PMM2: variants seen among roughly 807,000 people sequenced by gnomAD.
PMM2 encodes phosphomannomutase 2.
PMM2 carries 35 observed loss-of-function variants against 33.2 expected under a neutral mutation model. The observed-to-expected ratio is 1.06, with a 90% CI of 0.81 to 1.40. The LOEUF (loss-of-function observed/expected upper bound fraction) is 1.40. Among genes scored for constraint, PMM2 ranks in the 40% most tolerant of loss-of-function variants. PMM2 has a pLI of 0.00. For synonymous variants in PMM2, 153 were observed against 114.7 expected, an observed-to-expected ratio of 1.33 and a Z score of -2.13; for missense variants, 386 against 306.0, an observed-to-expected ratio of 1.26 and a Z score of -1.95.
At chr16:8,819,772 T>C (rs1433868090) in intron 7 of PMM2, among the ~76,000 whole-genome samples, 1 of 152,074 alleles carries the variant, frequency 6.6e-6, no homozygotes, top group Non-Finnish European at 1.5e-5. Context: ...CTTCCAGCAC[T>C]TCCTCAGTGT....
chr16:8,847,711 C>A lies in PMM2; in HGVS notation c.640-13C>A, dbSNP rs372181885. ...CGAGGGGGAGCCTTCATCTGTACTT[C>A]GTGTCTTTCCAGGGTGGCAATGACC... On this transcript the variant is annotated splice_polypyrimidine_tract_variant and intron_variant, in intron 7 of 7. Transcript: ENST00000268261. 6.9e-6 allele frequency: 11 copies of A among 1,595,958 alleles called. No individual in the cohort carries two copies. The African/African-American group carries it at 8.0e-5, about 12-fold the overall frequency.
intron 7 of PMM2, among the ~76,000 whole-genome samples, chr16:8,840,378 T>G (rs1349149627): frequency 6.6e-6 from 1 of 151,974 alleles, no homozygotes; most frequent in Non-Finnish European, 1.5e-5. Flanking sequence ...TGTGATGGCT[T>G]GAAGAAACAG....
intron 7 of PMM2, among the ~76,000 whole-genome samples, chr16:8,825,990 G>A (rs757452080): frequency 2.0e-4 from 31 of 152,064 alleles, no homozygotes; most frequent in Non-Finnish European, 4.0e-4. Flanking sequence ...TTCTGACCTC[G>A]TGATCTGCCT....
At position 8,797,896 on chromosome 16, in the gene PMM2, G is replaced by A. The variant is rs773813007; in HGVS notation, c.14G>A (p.Gly5Asp). The change falls in exon 1 of 8, where the codon GGC becomes GAC. Residue 5 changes from glycine to aspartate, a missense_variant. By Grantham distance (94) the Gly-to-Asp change is moderately conservative. Coordinates refer to ENST00000268261, the MANE Select transcript of PMM2 (RefSeq NM_000303.3). Reference protein sequence around the residue: MAAPGPALCLFDVDG... With the variant: MAAPDPALCLFDVDG... Reference sequence around the variant, plus strand: ...GAAACTGGGGACATGGCAGCGCCTGGCCCAGCGCTCTGCCTCTTCGACGTG... The same window carrying A: ...GAAACTGGGGACATGGCAGCGCCTGACCCAGCGCTCTGCCTCTTCGACGTG... 14 of 1,611,464 alleles carry A rather than the reference G, an allele frequency of 8.7e-6. No homozygotes were observed. Among genetic ancestry groups the A allele is most frequent in the Middle Eastern group, 1.6e-4 (1 of 6,078 alleles).
chr16:8,833,868 A>G (rs112483427), intron 7 of PMM2, among the ~76,000 whole-genome samples: 10,385 of 152,072 alleles, frequency 0.068, 586 homozygotes, highest in Admixed American at 0.19. Context: ...TTATTTATTT[A>G]CCTCAAGAGT....
chr16:8,805,923 C>G (rs2060645407), intron 3 of PMM2, among the ~76,000 whole-genome samples: 1 of 152,254 alleles, frequency 6.6e-6, no homozygotes, highest in African/African-American at 2.4e-5. Context: ...CTGTGTAGCT[C>G]TTAGTAGTAG....
chr16:8,821,957 A>T (rs887935590), intron 7 of PMM2, among the ~76,000 whole-genome samples: 1 of 152,222 alleles, frequency 6.6e-6, no homozygotes. Context: ...GTAACTGCCC[A>T]ACAGGTTCTC....
chr16:8,824,269 A>C (rs2060753712), intron 7 of PMM2, among the ~76,000 whole-genome samples: 1 of 152,214 alleles, frequency 6.6e-6, no homozygotes, highest in Non-Finnish European at 1.5e-5. Flanking sequence ...CAATTTGTAA[A>C]GTTATCAGAG....
chr16:8,844,040 G>A (rs1001211634), intron 7 of PMM2, among the ~76,000 whole-genome samples: 1 of 152,150 alleles, frequency 6.6e-6, no homozygotes, highest in African/African-American at 2.4e-5. Flanking sequence ...CTGGACATCA[G>A]GCACCTCAGA....
rs1357164850 is a variant in PMM2 at position 8,832,903 on chromosome 16, G to A, written c.640-14821G>A. The A allele has an allele frequency of 1.0e-5, 10 of 985,250 alleles. No homozygotes were observed. The African/African-American group carries it at 1.7e-4, about 17-fold the overall frequency. The allele number at this position is 985,250 out of a possible 1,614,324, so 61.0% of individuals were successfully genotyped here. On this transcript the variant is annotated intron_variant, in intron 7 of 7. Coordinates refer to ENST00000268261, the MANE Select transcript of PMM2 (RefSeq NM_000303.3). ...CAGGGTTCCCTCACCCTCCAGGCCT[G>A]GCAGCCCTTCCCTCCCTTTGCTCAA...
At chr16:8,847,625 A>C in intron 7 of PMM2, 99 bp from the exon 8 acceptor site, 1 of 840,150 alleles carries the variant, frequency 1.2e-6, no homozygotes, top group Non-Finnish European at 2.1e-6. Context: ...CTGCCCAGTT[A>C]AATCTTGTTT....
intron 7 of PMM2, among the ~76,000 whole-genome samples, chr16:8,837,637 C>G (rs1428130935): frequency 6.6e-6 from 1 of 151,368 alleles, no homozygotes; most frequent in African/African-American, 2.4e-5. Context: ...GATCGGGGCG[C>G]AGAGATACAT....
Position 8,847,886 on chromosome 16 carries a change from G to C in PMM2, c.*61G>C. ...GCCAGCATAGGGCATTCGGTGGCCA[G>C]AGCCGAGGGTCCTCCCACACGTGCT... On this transcript the variant is annotated 3_prime_UTR_variant, in exon 8 of 8. Coordinates refer to ENST00000268261, the MANE Select transcript of PMM2 (RefSeq NM_000303.3). 7.6e-7 allele frequency: 1 copy of C among 1,307,446 alleles called. No homozygotes were observed. Among genetic ancestry groups the C allele is most frequent in the Non-Finnish European group, 1.1e-6 (1 of 912,002 alleles). The allele number at this position is 1,307,446 out of a possible 1,614,324, so 81.0% of individuals were successfully genotyped here.
chr16:8,813,662 C>G (rs1860006223), intron 7 of PMM2, among the ~76,000 whole-genome samples: 1 of 152,014 alleles, frequency 6.6e-6, no homozygotes, highest in South Asian at 2.1e-4. Flanking sequence ...AGGGCCAAAT[C>G]TAAACTGAGA....
At position 8,811,129 on chromosome 16, in the gene PMM2, G is replaced by A; in HGVS notation, c.398G>A (p.Gly133Glu). ...GGGATGTTAAACGTGTCCCCTATTG[G>A]AAGAAGCTGCAGCCAAGAAGAACGC... Reference protein sequence around the residue: ...RNGMLNVSPIGRSCSQEERIE... With the variant: ...RNGMLNVSPIERSCSQEERIE... The change falls in exon 5 of 8, where the codon GGA becomes GAA. Residue 133 changes from glycine to glutamate, a missense_variant. Coordinates refer to ENST00000268261, the MANE Select transcript of PMM2 (RefSeq NM_000303.3). The A allele has an allele frequency of 6.3e-7, 1 of 1,578,328 alleles. No individual in the cohort carries two copies. The highest frequency in any genetic ancestry group is 8.6e-7 in the Non-Finnish European group (1 of 1,158,138).
intron 7 of PMM2, among the ~76,000 whole-genome samples, chr16:8,824,253 A>G (rs770603769): frequency 6.6e-6 from 1 of 152,206 alleles, no homozygotes; most frequent in Non-Finnish European, 1.5e-5. Context: ...CTCCATTCCA[A>G]TGGCACAATT....
chr16:8,847,675 C>A, intron 7 of PMM2, 49 bp from the exon 8 acceptor site: 1 of 1,402,760 alleles, frequency 7.1e-7, no homozygotes, highest in Non-Finnish European at 1.0e-6. Context: ...TCAGCAATGG[C>A]CCGGGACAGA....
At chr16:8,832,247 G>A (rs934609956) in intron 7 of PMM2, 11 of 985,318 alleles carry the variant, frequency 1.1e-5, no homozygotes, top group Non-Finnish European at 1.3e-5. Context: ...GCCTGAGGCA[G>A]GTTGTGTTTG....
intron 7 of PMM2, among the ~76,000 whole-genome samples, chr16:8,817,996 C>T (rs112791163): frequency 4.0e-5 from 6 of 151,824 alleles, no homozygotes; most frequent in South Asian, 2.1e-4. Context: ...CTCCACCTCC[C>T]GGGTTCACAC....
Sources: gnomAD v4.1 joint callset for allele counts (sites outside exome capture counted in the v4.1 genomes callset) on GRCh38, gnomAD v4.1.1 for gene constraint, MANE v1.5 for transcripts, NCBI Gene and HGNC (gene_info 2026-07-23, HGNC 2026-07-21) for gene names.